Variants in FOXN3 observed in about 807,000 individuals in gnomAD.
FOXN3 encodes the protein forkhead box protein N3.
In FOXN3, 7 loss-of-function variants were observed where a neutral mutation model predicts 38.4. That is an observed-to-expected ratio of 0.18 (90% CI 0.10 to 0.34). FOXN3 has a LOEUF of 0.34. Ranked by LOEUF, FOXN3 falls within the 10% of genes least tolerant of loss-of-function variation. The probability of loss-of-function intolerance (pLI) is 1.00; values close to 1 mark genes in which losing one functional copy is unlikely to be tolerated. For missense variants in FOXN3, 456 were observed against 613.4 expected, an observed-to-expected ratio of 0.74 and a Z score of 2.71; for synonymous variants, 230 against 242.2, an observed-to-expected ratio of 0.95 and a Z score of 0.47.
At chr14:89,243,591 A>G (rs577763333) in intron 4 of FOXN3, among the ~76,000 whole-genome samples, 186 of 152,358 alleles carry the variant, frequency 1.2e-3, no homozygotes, top group African/African-American at 4.4e-3. Flanking sequence ...CAATGAGGCC[A>G]CAGTATGACT....
At chr14:89,584,268 G>A (rs1411079564) in intron 1 of FOXN3, among the ~76,000 whole-genome samples, 2 of 152,090 alleles carry the variant, frequency 1.3e-5, no homozygotes, top group African/African-American at 4.8e-5. Flanking sequence ...AGGCATGGTG[G>A]TGTGTGCCTA....
intron 4 of FOXN3, among the ~76,000 whole-genome samples, chr14:89,243,010 C>T (rs768933424): frequency 1.3e-4 from 20 of 152,124 alleles, no homozygotes; most frequent in Non-Finnish European, 2.8e-4. Flanking sequence ...TTCCCCGAGT[C>T]CTGCCCCCTG....
chr14:89,425,253 T>C (rs1259332615), intron 1 of FOXN3, among the ~76,000 whole-genome samples: 2 of 152,052 alleles, frequency 1.3e-5, no homozygotes, highest in Non-Finnish European at 2.9e-5. Flanking sequence ...GTATTTTCAG[T>C]AGAGACGGGG....
intron 3 of FOXN3, chr14:89,333,134 T>A (rs12881203): frequency 0.18 from 27,982 of 155,856 alleles, 2,914 homozygotes; most frequent in South Asian, 0.29. Flanking sequence ...GAAATGTAAT[T>A]TGGTTCAGCA....
At chr14:89,190,570 G>T in intron 4 of FOXN3, 1 of 704,212 alleles carries the variant, frequency 1.4e-6, no homozygotes. Flanking sequence ...CCAGCAACTG[G>T]ATGAGCTATC....
At chr14:89,227,396 T>A (rs944721883) in intron 4 of FOXN3, among the ~76,000 whole-genome samples, 3 of 152,234 alleles carry the variant, frequency 2.0e-5, no homozygotes, top group African/African-American at 4.8e-5. Flanking sequence ...TAATTCTTCA[T>A]CAATTGGACT....
At chr14:89,557,713 T>A (rs1183707357) in intron 1 of FOXN3, among the ~76,000 whole-genome samples, 3 of 152,042 alleles carry the variant, frequency 2.0e-5, no homozygotes, top group African/African-American at 7.2e-5. Flanking sequence ...TATGCAAGAA[T>A]GAGGTACCAA....
intron 1 of FOXN3, among the ~76,000 whole-genome samples, chr14:89,599,756 T>C (rs566912770): frequency 6.6e-6 from 1 of 152,262 alleles, no homozygotes; most frequent in Non-Finnish European, 1.5e-5. Flanking sequence ...TTATTTGAGT[T>C]TTGGCTTCAC....
At chr14:89,399,521 T>G (rs1307842426) in intron 2 of FOXN3, among the ~76,000 whole-genome samples, 1 of 152,198 alleles carries the variant, frequency 6.6e-6, no homozygotes, top group Non-Finnish European at 1.5e-5. Context: ...ACAAGTACCC[T>G]TTTACTTAAG....
At chr14:89,523,351 C>T (rs403470) in intron 1 of FOXN3, among the ~76,000 whole-genome samples, 55,036 of 151,958 alleles carry the variant, frequency 0.36, 10,700 homozygotes, top group East Asian at 0.6. Context: ...ATACTATCAA[C>T]CAAATTGGGC....
At chr14:89,304,761 A>G (rs2110702) in intron 3 of FOXN3, among the ~76,000 whole-genome samples, 47,078 of 151,716 alleles carry the variant, frequency 0.31, 7,612 homozygotes, top group Admixed American at 0.39. Flanking sequence ...ACTTGGCTTA[A>G]GCACTGGTGT....
chr14:89,561,366 C>T (rs777206809), intron 1 of FOXN3, among the ~76,000 whole-genome samples: 8 of 152,218 alleles, frequency 5.3e-5, no homozygotes, highest in Non-Finnish European at 8.8e-5. Flanking sequence ...GCATGCACCA[C>T]CACACCCAGC....
intron 4 of FOXN3, among the ~76,000 whole-genome samples, chr14:89,264,765 C>A (rs149338988): frequency 6.6e-6 from 1 of 152,318 alleles, no homozygotes; most frequent in African/African-American, 2.4e-5. Flanking sequence ...CAGGAGGATG[C>A]TGGTACCACC....
intron 1 of FOXN3, among the ~76,000 whole-genome samples, chr14:89,546,369 C>T (rs1183853330): frequency 8.9e-6 from 1 of 112,780 alleles, no homozygotes; most frequent in Non-Finnish European, 1.7e-5. Flanking sequence ...CTCGCTCTGT[C>T]ACCAGGCTGG....
intron 1 of FOXN3, among the ~76,000 whole-genome samples, chr14:89,615,116 A>ATTTTTTTTTTTTT (rs374606775): frequency 9.4e-6 from 1 of 106,784 alleles, no homozygotes; most frequent in African/African-American, 3.6e-5. Flanking sequence ...CCCAATTTCG[A>ATTTTTTTTTTTTT]TTTTTTTTTT....
chr14:89,402,155 G>C (rs1378675117), intron 2 of FOXN3, among the ~76,000 whole-genome samples: 2 of 152,174 alleles, frequency 1.3e-5, no homozygotes, highest in Non-Finnish European at 2.9e-5. Flanking sequence ...CCTTGGCACA[G>C]ACTACATCTT....
chr14:89,488,339 G>A (rs1893495009), intron 1 of FOXN3, among the ~76,000 whole-genome samples: 1 of 151,900 alleles, frequency 6.6e-6, no homozygotes, highest in Non-Finnish European at 1.5e-5. Flanking sequence ...GCAGGCACCA[G>A]TGGCTGATGT....
chr14:89,225,400 C>A (rs181699408), intron 4 of FOXN3, among the ~76,000 whole-genome samples: 2 of 151,718 alleles, frequency 1.3e-5, no homozygotes, highest in Non-Finnish European at 2.9e-5. Context: ...GTCAGGAGAT[C>A]GAGACCATCC....
chr14:89,603,600 G>A (rs1182237775), intron 1 of FOXN3, among the ~76,000 whole-genome samples: 1 of 152,194 alleles, frequency 6.6e-6, no homozygotes. Context: ...AAAGCAGGAT[G>A]TAAGTTTCTT....
Sources: allele counts gnomAD v4.1 joint callset (sites outside exome capture counted in the v4.1 genomes callset), GRCh38; gene constraint gnomAD v4.1.1; transcripts MANE v1.5; gene names NCBI Gene and HGNC (gene_info 2026-07-23, HGNC 2026-07-21).